The following PXDNL variants were observed in gnomAD, a reference collection of about 807,000 sequenced individuals.
PXDNL encodes the protein probable oxidoreductase PXDNL.
Under a neutral mutation model 150.8 loss-of-function variants are expected in PXDNL, and 145 were observed. The observed-to-expected ratio is 0.96, with a 90% confidence interval of 0.84 to 1.10. PXDNL has a LOEUF of 1.10. PXDNL is among the 50% of genes least tolerant of loss of function. PXDNL has a pLI of 0.00. For synonymous variants in PXDNL, 757 were observed against 725.7 expected (o/e 1.04, Z -0.69); for missense variants, 2,087 against 1,873.9 (o/e 1.11, Z -2.10).
chr8:51,776,578 G>A (rs768754293), intron 1 of PXDNL, among the ~76,000 whole-genome samples: 2 of 152,056 alleles, frequency 1.3e-5, no homozygotes, highest in African/African-American at 2.4e-5. Context: ...CCTTATACAG[G>A]CTCCTCTAAC....
chr8:51,467,381 T>G (rs530217790), intron 8 of PXDNL, among the ~76,000 whole-genome samples: 3 of 152,186 alleles, frequency 2.0e-5, no homozygotes, highest in South Asian at 2.1e-4. Context: ...TCTACAGACC[T>G]ACAAATATTC....
chr8:51,471,140 A>C (rs1449150489), intron 8 of PXDNL, among the ~76,000 whole-genome samples: 12 of 4,244 alleles, frequency 2.8e-3, no homozygotes, highest in Admixed American at 0.018. Context: ...ACAAATTTAC[A>C]AAAAAAAAAA....
At chr8:51,805,910 G>T (rs927854114) in intron 1 of PXDNL, among the ~76,000 whole-genome samples, 14 of 152,170 alleles carry the variant, frequency 9.2e-5, no homozygotes, top group Non-Finnish European at 1.9e-4. Flanking sequence ...CACTGCTTCT[G>T]ATTACTGAAC....
chr8:51,506,906 C>G (rs1327699854), intron 4 of PXDNL, among the ~76,000 whole-genome samples: 1 of 152,170 alleles, frequency 6.6e-6, no homozygotes, highest in African/African-American at 2.4e-5. Context: ...TAACCAAATT[C>G]ATTATCTCTG....
chr8:51,671,180 ATATCCT>A, intron 1 of PXDNL, among the ~76,000 whole-genome samples: 1 of 152,372 alleles, frequency 6.6e-6, no homozygotes, highest in Middle Eastern at 3.4e-3. Context: ...ATTATGCTGT[ATATCCT>A]TATTTGGAAG....
At position 51,566,937 on chromosome 8, in the gene PXDNL, A is replaced by G. The variant is rs139250112; in HGVS notation, c.309-10026T>C. On this transcript the variant is annotated intron_variant, in intron 3 of 22. Transcript: ENST00000356297. ...TATATGCATTCAACACTATACCTCTAAGGACTGCTTTAACTGCATCCCGCG... is the reference window on the plus strand; with the variant it reads ...TATATGCATTCAACACTATACCTCTGAGGACTGCTTTAACTGCATCCCGCG... 1.9e-3 allele frequency among the ~76,000 whole-genome samples: 283 copies of G among 151,608 alleles called. 1 individual carries two copies. The highest frequency in any genetic ancestry group is 6.4e-3 in the African/African-American group (265 of 41,414).
intron 17 of PXDNL, among the ~76,000 whole-genome samples, chr8:51,395,761 T>C (rs978636802): frequency 6.6e-6 from 1 of 152,216 alleles, no homozygotes; most frequent in Non-Finnish European, 1.5e-5. Flanking sequence ...TGTTCCTTCT[T>C]GCTTGCTTGC....
intron 14 of PXDNL, among the ~76,000 whole-genome samples, chr8:51,421,909 A>G (rs1808965654): frequency 6.6e-6 from 1 of 152,202 alleles, no homozygotes; most frequent in African/African-American, 2.4e-5. Flanking sequence ...AGGTTCGAAG[A>G]TCCTATGACA....
At chr8:51,414,946 C>T (rs1299019740) in intron 14 of PXDNL, among the ~76,000 whole-genome samples, 2 of 152,074 alleles carry the variant, frequency 1.3e-5, no homozygotes, top group African/African-American at 4.8e-5. Flanking sequence ...AAATAAAAAG[C>T]TGATTAAAGC....
At chr8:51,643,851 A>T (rs1243843949) in intron 2 of PXDNL, among the ~76,000 whole-genome samples, 2 of 152,156 alleles carry the variant, frequency 1.3e-5, no homozygotes, top group African/African-American at 4.8e-5. Context: ...TTACAAGAAA[A>T]AAACAACCCC....
At chr8:51,358,004 G>A (rs1806571693) in intron 19 of PXDNL, among the ~76,000 whole-genome samples, 1 of 152,156 alleles carries the variant, frequency 6.6e-6, no homozygotes. Flanking sequence ...GAAGGTGTCT[G>A]TTTAGTGCAG....
At chr8:51,640,958 C>T (rs996686823) in intron 2 of PXDNL, among the ~76,000 whole-genome samples, 7 of 152,032 alleles carry the variant, frequency 4.6e-5, no homozygotes, top group African/African-American at 1.2e-4. Context: ...CAAACTATAC[C>T]ACAAGGCTAC....
intron 12 of PXDNL, among the ~76,000 whole-genome samples, chr8:51,433,447 G>C (rs538272112): frequency 6.6e-6 from 1 of 152,048 alleles, no homozygotes; most frequent in Non-Finnish European, 1.5e-5. Flanking sequence ...AATGTCAGTG[G>C]AGTCAGTGGG....
chr8:51,687,159 T>C (rs902339231), intron 1 of PXDNL, among the ~76,000 whole-genome samples: 3 of 152,132 alleles, frequency 2.0e-5, no homozygotes, highest in Non-Finnish European at 4.4e-5. Flanking sequence ...AAACAAAATA[T>C]ATACGTTTCT....
chr8:51,809,038 A>T, intron 1 of PXDNL, 143 bp downstream of exon 1: 2 of 803,706 alleles, frequency 2.5e-6, no homozygotes, highest in Middle Eastern at 2.9e-4. Flanking sequence ...AGAACCATGA[A>T]ATTGTTTGAA....
intron 17 of PXDNL, among the ~76,000 whole-genome samples, chr8:51,379,805 T>C (rs1807475248): frequency 6.6e-6 from 1 of 152,188 alleles, no homozygotes. Context: ...TTAATTCCTA[T>C]ATCTATCTGG....
chr8:51,353,435 A>C (rs1198184349), intron 19 of PXDNL, among the ~76,000 whole-genome samples: 1 of 151,926 alleles, frequency 6.6e-6, no homozygotes, highest in Non-Finnish European at 1.5e-5. Flanking sequence ...TCTGTTACCC[A>C]TAAATTTTGA....
At chr8:51,346,332 G>T (rs1178078814) in intron 19 of PXDNL, among the ~76,000 whole-genome samples, 1 of 152,160 alleles carries the variant, frequency 6.6e-6, no homozygotes, top group Non-Finnish European at 1.5e-5. Context: ...TTGAAATTTG[G>T]CAACTCCTCA....
intron 2 of PXDNL, among the ~76,000 whole-genome samples, chr8:51,616,922 AT>A (rs1354023211): frequency 3.9e-5 from 6 of 152,132 alleles, no homozygotes; most frequent in African/African-American, 1.2e-4. Context: ...GTTATTCTAT[AT>A]TGTATTTTTA....
Sources: allele counts gnomAD v4.1 joint callset (sites outside exome capture counted in the v4.1 genomes callset), GRCh38; gene constraint gnomAD v4.1.1; transcripts MANE v1.5; gene names NCBI Gene and HGNC (gene_info 2026-07-23, HGNC 2026-07-21).